Variants in KAT2B observed in about 807,000 individuals in gnomAD.
KAT2B encodes the protein histone acetyltransferase KAT2B.
In KAT2B, 36 loss-of-function variants were observed where a neutral mutation model predicts 105.9. The observed-to-expected ratio is 0.34, with a 90% confidence interval of 0.26 to 0.45. The LOEUF is 0.45. Ranked by LOEUF, KAT2B falls within the 20% of genes least tolerant of loss-of-function variation. The pLI is 1.00. For synonymous variants in KAT2B, 397 were observed against 377.9 expected, an observed-to-expected ratio of 1.05 and a Z score of -0.59; for missense variants, 820 against 1,021.6, an observed-to-expected ratio of 0.80 and a Z score of 2.69.
chr3:20,140,202 G>T lies in KAT2B; in HGVS notation c.1861-19G>T. On this transcript the variant is annotated intron_variant, in intron 12 of 17. Transcript: ENST00000263754. ...TTTGGTGTATGGTGTTCATATGAAT[G>T]AATTTACTTGCTTTTCAGGGTTTCT... 1 of 1,519,970 alleles carries T rather than the reference G, an allele frequency of 6.6e-7. No homozygotes were observed. Among genetic ancestry groups the T allele is most frequent in the Non-Finnish European group, 9.1e-7 (1 of 1,095,328 alleles). 94.2% of individuals were successfully genotyped at this position (1,519,970 alleles called of 1,614,324 possible).
At position 20,142,086 on chromosome 3, in the gene KAT2B, G is replaced by A. The variant is rs76022842; in HGVS notation, c.2004+1722G>A. ...CCCAGCAGCACTAATTCATCCCCAC[G>A]GTGTTAGCTGAGAGCAGGATTCCCT... On this transcript the variant is annotated intron_variant, in intron 13 of 17. Coordinates refer to ENST00000263754, the MANE Select transcript of KAT2B (RefSeq NM_003884.5). Among the ~76,000 whole-genome samples the A allele has an allele frequency of 2.8e-4, 42 of 152,224 alleles. No homozygotes were observed. The East Asian group carries it at 2.9e-3, about 10-fold the overall frequency.
chr3:20,085,309 G>T (rs762961759), intron 2 of KAT2B, among the ~76,000 whole-genome samples: 71 of 152,264 alleles, frequency 4.7e-4, no homozygotes, highest in Non-Finnish European at 8.5e-4. Context: ...TTTCCCAAAG[G>T]CTTCAGATTG....
chr3:20,099,105 G>A (rs1189851347), intron 3 of KAT2B, among the ~76,000 whole-genome samples: 7 of 152,146 alleles, frequency 4.6e-5, no homozygotes, highest in South Asian at 2.1e-4. Flanking sequence ...TATTTTCTGC[G>A]TTGTTCTTGG....
chr3:20,138,519 AT>A (rs1699642925), intron 12 of KAT2B, among the ~76,000 whole-genome samples: 2 of 152,292 alleles, frequency 1.3e-5, no homozygotes, highest in Admixed American at 1.3e-4. Context: ...GTTGCTAAAT[AT>A]TTTAAAAATT....
chr3:20,108,222 T>C (rs1699057475), intron 5 of KAT2B, among the ~76,000 whole-genome samples: 1 of 152,216 alleles, frequency 6.6e-6, no homozygotes, highest in African/African-American at 2.4e-5. Flanking sequence ...GAAAACATTT[T>C]ACACTGTTTC....
In KAT2B at chr3:20,144,173, T is replaced by C. The variant is rs146637369; in HGVS notation, c.2005-2143T>C. On this transcript the variant is annotated intron_variant, in intron 13 of 17. Coordinates refer to ENST00000263754, the MANE Select transcript of KAT2B (RefSeq NM_003884.5). ...GTGAGTGGAAGCCATCTGTAGGTCA[T>C]TGCATTTGAGAGTCCCTTGGTGAAG... 1.4e-4 allele frequency among the ~76,000 whole-genome samples: 21 copies of C among 149,588 alleles called. No individual in the cohort carries two copies. The East Asian group carries it at 2.2e-3, about 16-fold the overall frequency.
chr3:20,134,903 T>C (rs1256035889), intron 11 of KAT2B, among the ~76,000 whole-genome samples: 1 of 152,138 alleles, frequency 6.6e-6, no homozygotes, highest in Admixed American at 6.5e-5. Flanking sequence ...CTAAAATTAT[T>C]GTCATATCAA....
At chr3:20,071,720 C>T (rs1469842275) in intron 1 of KAT2B, among the ~76,000 whole-genome samples, 1 of 152,108 alleles carries the variant, frequency 6.6e-6, no homozygotes, top group African/African-American at 2.4e-5. Flanking sequence ...TACAGGAAAC[C>T]TGGGAAATGT....
intron 4 of KAT2B, 99 bp downstream of exon 4, chr3:20,100,053 C>T (rs983929572): frequency 3.0e-6 from 2 of 670,134 alleles, no homozygotes; most frequent in East Asian, 2.7e-5. Context: ...CTCCTCCATA[C>T]CCAGGTTAGA....
chr3:20,054,804 G>A (rs1171783498), intron 1 of KAT2B, among the ~76,000 whole-genome samples: 1 of 152,178 alleles, frequency 6.6e-6, no homozygotes, highest in African/African-American at 2.4e-5. Flanking sequence ...AGTGAGTCAT[G>A]TAACCCAGGA....
chr3:20,117,793 T>C (rs1323448688), intron 7 of KAT2B, among the ~76,000 whole-genome samples: 1 of 152,154 alleles, frequency 6.6e-6, no homozygotes, highest in African/African-American at 2.4e-5. Flanking sequence ...TCTGTACCCC[T>C]TGTCACCTCT....
At chr3:20,048,844 C>T in intron 1 of KAT2B, among the ~76,000 whole-genome samples, 1 of 152,098 alleles carries the variant, frequency 6.6e-6, no homozygotes, top group Non-Finnish European at 1.5e-5. Flanking sequence ...GCTTCTTTCC[C>T]TCTATGCTGG....
chr3:20,132,337 C>T (rs1428897043), intron 11 of KAT2B, among the ~76,000 whole-genome samples: 1 of 152,178 alleles, frequency 6.6e-6, no homozygotes, highest in Non-Finnish European at 1.5e-5. Flanking sequence ...TGTGCTATTG[C>T]ACTTCAGCCT....
chr3:20,114,881 G>C lies in KAT2B; in HGVS notation c.1044-1G>C. The C allele has an allele frequency of 1.3e-6, 2 of 1,552,122 alleles. No individual in the cohort carries two copies. Among genetic ancestry groups the C allele is most frequent in the Non-Finnish European group, 1.8e-6 (2 of 1,126,128 alleles). On this transcript the variant is annotated splice_acceptor_variant, in intron 6 of 17. Transcript: ENST00000263754. LOFTEE classifies it high-confidence loss of function. ...CTTATTGCTATTACTCTTGTGTCTAGATTTCTGTCCATGCTAGAAGAAGAA... is the reference window on the plus strand; with the variant it reads ...CTTATTGCTATTACTCTTGTGTCTACATTTCTGTCCATGCTAGAAGAAGAA...
chr3:20,128,390 G>A (rs983850970), intron 11 of KAT2B, among the ~76,000 whole-genome samples: 1 of 152,148 alleles, frequency 6.6e-6, no homozygotes, highest in Non-Finnish European at 1.5e-5. Flanking sequence ...TTCTTTAAGG[G>A]AAGTCATGAA....
At chr3:20,097,974 A>C (rs1698840453) in intron 3 of KAT2B, among the ~76,000 whole-genome samples, 1 of 152,320 alleles carries the variant, frequency 6.6e-6, no homozygotes, top group African/African-American at 2.4e-5. Context: ...TCACAACTGT[A>C]ATCCCAGAAC....
intron 8 of KAT2B, among the ~76,000 whole-genome samples, chr3:20,120,992 C>A (rs78168290): frequency 0.1 from 15,433 of 151,800 alleles, 1,324 homozygotes; most frequent in South Asian, 0.32. Flanking sequence ...TAAAAAAAAT[C>A]ATAAACACCA....
chr3:20,134,934 T>C (rs62241665), intron 11 of KAT2B, among the ~76,000 whole-genome samples: 28,960 of 152,126 alleles, frequency 0.19, 2,988 homozygotes, highest in East Asian at 0.31. Flanking sequence ...GTATAAAATG[T>C]TAGTAATGAG....
intron 2 of KAT2B, among the ~76,000 whole-genome samples, chr3:20,093,088 T>C (rs1698751494): frequency 6.6e-6 from 1 of 152,228 alleles, no homozygotes; most frequent in African/African-American, 2.4e-5. Context: ...TTTAATCCTC[T>C]TAACTCTCTG....
Sources: allele counts gnomAD v4.1 joint callset (sites outside exome capture counted in the v4.1 genomes callset), GRCh38; gene constraint gnomAD v4.1.1; transcripts MANE v1.5; gene names NCBI Gene and HGNC (gene_info 2026-07-23, HGNC 2026-07-21).